SHCBP1L: variants seen among roughly 807,000 people sequenced by gnomAD.
The protein encoded by SHCBP1L is SHC binding and spindle associated 1 like.
SHCBP1L carries 67 observed loss-of-function variants against 62.5 expected under a neutral mutation model. The observed-to-expected ratio is 1.07, with a 90% CI of 0.88 to 1.31. The LOEUF is 1.31. SHCBP1L is among the 40% of genes most tolerant of loss of function. The pLI, the probability that SHCBP1L is intolerant of heterozygous loss-of-function variation, is 0.00. For missense variants in SHCBP1L, 823 were observed against 809.8 expected (o/e 1.02, Z -0.20); for synonymous variants, 284 against 289.4 (o/e 0.98, Z 0.19).
At chr1:182,946,400 T>A (rs1191964857) in intron 2 of SHCBP1L, among the ~76,000 whole-genome samples, 2 of 152,078 alleles carry the variant, frequency 1.3e-5, no homozygotes, top group Non-Finnish European at 2.9e-5. Context: ...ATCAGTATCA[T>A]TAAGTCTTTT....
At position 182,930,551 on chromosome 1, in the gene SHCBP1L, G is replaced by GTATA. The variant is rs10536791; in HGVS notation, c.1077-803_1077-800dup. ...AAGAGGATGTGGCTTTAGTGTGTGT[G>GTATA]TATATATATATATATATATATATAT... On this transcript the variant is annotated intron_variant, in intron 5 of 9. Transcript: ENST00000367547. Among the ~76,000 whole-genome samples the GTATA allele has an allele frequency of 6.8e-3, 338 of 49,404 alleles. 3 individuals carry two copies. The highest frequency in any genetic ancestry group is 9.5e-3 in the Non-Finnish European group (260 of 27,512). 32.4% of individuals were successfully genotyped at this position (49,404 alleles called of 152,430 possible).
chr1:182,942,487 G>T, intron 2 of SHCBP1L: 1 of 639,620 alleles, frequency 1.6e-6, no homozygotes, highest in Non-Finnish European at 2.9e-6. Flanking sequence ...CCTGGCCGCT[G>T]CCACTCCTCC....
intron 5 of SHCBP1L, among the ~76,000 whole-genome samples, chr1:182,930,551 G>GTATATATATATA (rs10536791): frequency 4.0e-5 from 2 of 49,468 alleles, no homozygotes; most frequent in Non-Finnish European, 7.3e-5. Flanking sequence ...TAGTGTGTGT[G>GTATATATATATA]TATATATATA....
intron 5 of SHCBP1L, among the ~76,000 whole-genome samples, chr1:182,930,619 T>A (rs1394821140): frequency 5.6e-5 from 7 of 125,844 alleles, no homozygotes; most frequent in Non-Finnish European, 1.0e-4. Flanking sequence ...ATATATATAT[T>A]TTTTATTAAA....
intron 6 of SHCBP1L, among the ~76,000 whole-genome samples, chr1:182,927,363 G>A (rs1374837659): frequency 6.6e-6 from 1 of 151,864 alleles, no homozygotes; most frequent in Non-Finnish European, 1.5e-5. Context: ...TCAAAGATGA[G>A]GAAATTGTTA....
intron 2 of SHCBP1L, among the ~76,000 whole-genome samples, chr1:182,945,715 T>G (rs540150877): frequency 3.0e-4 from 45 of 152,346 alleles, no homozygotes; most frequent in African/African-American, 1.1e-3. Context: ...TCACTTTCCC[T>G]AAAATTTTTG....
intron 5 of SHCBP1L, among the ~76,000 whole-genome samples, chr1:182,936,485 C>CTCTCTTAATCAATTATCTAA (rs1651177973): frequency 6.6e-6 from 1 of 152,106 alleles, no homozygotes; most frequent in Non-Finnish European, 1.5e-5. Context: ...ATTGTATCTA[C>CTCTCTTAATCAATTATCTAA]TCTCTTAAAT....
intron 5 of SHCBP1L, among the ~76,000 whole-genome samples, chr1:182,934,263 C>T (rs1558000814): frequency 2.0e-5 from 3 of 151,280 alleles, no homozygotes; most frequent in African/African-American, 7.3e-5. Context: ...AAGAAACTGC[C>T]GAACAGTGCT....
intron 2 of SHCBP1L, chr1:182,942,221 T>A: frequency 4.4e-6 from 6 of 1,374,042 alleles, no homozygotes; most frequent in Non-Finnish European, 5.2e-6. Context: ...TTCGGCCTGT[T>A]TTCCCTTTGC....
rs1651273596 is a variant in SHCBP1L, at chr1:182,939,230, T to C, written c.1022A>G (p.Tyr341Cys). ...TAATCCACAGAGCATGACTATCTCA[T>C]AGTATTTTTTCCAGCATTCAACAGC... ...AEAVECWKKY[Y>C]EIVMLCGLLK... Residue 341 changes from tyrosine (Y) to cysteine (C), a missense_variant, in exon 5 of 10, where the codon TAT (tyrosine) becomes TGT (cysteine). Transcript: ENST00000367547. The C allele has an allele frequency of 6.2e-7, 1 of 1,613,978 alleles. No homozygotes were observed.
chr1:182,952,967 G>C lies in SHCBP1L; in HGVS notation c.167C>G (p.Pro56Arg), dbSNP rs1422995984. 7.1e-6 allele frequency: 11 copies of C among 1,544,700 alleles called. No individual in the cohort carries two copies. In the South Asian group the frequency reaches 9.5e-5, roughly 13 times the overall value. ...PVRSVVASPR[P>R]VKGKAGRETA... The stretch of plus-strand genomic sequence containing the variant: ...CTCCCGGCCCGCTTTCCCCTTCACC[G>C]GGCGAGGGGAGGCCACCACCGACCG... Residue 56 changes from proline (P) to arginine (R), a missense_variant, in exon 1 of 10, where the codon CCG becomes CGG. Pro to Arg is a moderately radical substitution (Grantham distance 103). Coordinates refer to ENST00000367547, the MANE Select transcript of SHCBP1L (RefSeq NM_030933.4).
In SHCBP1L at chr1:182,924,713, A is replaced by G. The variant is rs867442662; in HGVS notation, c.1182+4934T>C. 4.9e-3 allele frequency among the ~76,000 whole-genome samples: 231 copies of G among 47,320 alleles called. 1 individual carries two copies. The highest frequency in any genetic ancestry group is 0.015 in the African/African-American group (80 of 5,342). 31.0% of individuals were successfully genotyped at this position (47,320 alleles called of 152,430 possible). On this transcript the variant is annotated intron_variant, in intron 6 of 9. Transcript: ENST00000367547. Reference sequence around the variant, plus strand: ...AAGGAAAGGAAAGGAAGAAAGAAAGAAAGAAAGAAAGAAAGAAAGAAAGAA... The same window carrying G: ...AAGGAAAGGAAAGGAAGAAAGAAAGGAAGAAAGAAAGAAAGAAAGAAAGAA...
At chr1:182,943,891 G>A (rs1054982357) in intron 2 of SHCBP1L, among the ~76,000 whole-genome samples, 5 of 151,776 alleles carry the variant, frequency 3.3e-5, no homozygotes, top group East Asian at 2.0e-4. Flanking sequence ...AAGCCGAGGC[G>A]GGTGGATCAC....
intron 6 of SHCBP1L, among the ~76,000 whole-genome samples, chr1:182,920,527 G>T (rs750325862): frequency 6.6e-6 from 1 of 152,132 alleles, no homozygotes; most frequent in South Asian, 2.1e-4. Flanking sequence ...TCTTCTTACC[G>T]CCAAACAACC....
intron 2 of SHCBP1L, among the ~76,000 whole-genome samples, chr1:182,945,041 AAC>A (rs1317685260): frequency 7.5e-6 from 1 of 133,444 alleles, no homozygotes; most frequent in African/African-American, 2.9e-5. Context: ...GGCTCACTGC[AAC>A]TCCTCTGCCT....
intron 6 of SHCBP1L, among the ~76,000 whole-genome samples, chr1:182,910,930 C>T (rs1650162759): frequency 6.6e-6 from 1 of 151,928 alleles, no homozygotes; most frequent in Non-Finnish European, 1.5e-5. Context: ...GGCTCTGTCA[C>T]CCAGGCTGGA....
chr1:182,929,478 T>C (rs556003275), intron 6 of SHCBP1L, among the ~76,000 whole-genome samples, 169 bp downstream of exon 6: 1 of 152,330 alleles, frequency 6.6e-6, no homozygotes, highest in South Asian at 2.1e-4. Flanking sequence ...CAGTAAATAG[T>C]TGTCACCATT....
rs576714208 is a variant in SHCBP1L, at chr1:182,919,396, C to A, written c.1182+10251G>T. Among the ~76,000 whole-genome samples the A allele has an allele frequency of 2.6e-5, 4 of 152,244 alleles. No homozygotes were observed. In the East Asian group the frequency reaches 7.7e-4, roughly 29 times the overall value. ...TGGCAGAAGAACAACAGAGGCAGAA[C>A]CAGCTCCCATAATTCCTTTTTATAG... is the stretch of plus-strand genomic sequence containing the variant. On this transcript the variant is annotated intron_variant, in intron 6 of 9. Coordinates refer to ENST00000367547, the MANE Select transcript of SHCBP1L (RefSeq NM_030933.4).
chr1:182,927,309 G>A (rs1200572371), intron 6 of SHCBP1L, among the ~76,000 whole-genome samples: 1 of 151,698 alleles, frequency 6.6e-6, no homozygotes, highest in Non-Finnish European at 1.5e-5. Flanking sequence ...AATAAACTGC[G>A]TCTAAGGGGT....
Sources: allele counts gnomAD v4.1 joint callset (sites outside exome capture counted in the v4.1 genomes callset), GRCh38; gene constraint gnomAD v4.1.1; transcripts MANE v1.5; gene names NCBI Gene and HGNC (gene_info 2026-07-23, HGNC 2026-07-21).